The following NKAIN3 variants were observed in gnomAD, a reference collection of about 807,000 sequenced individuals.
NKAIN3 encodes sodium/potassium-transporting ATPase subunit beta-1-interacting protein 3.
In NKAIN3, 25 loss-of-function variants were observed where a neutral mutation model predicts 30.2. The observed-to-expected ratio is 0.83, with a 90% CI of 0.60 to 1.16. NKAIN3 has a LOEUF of 1.16. Among genes scored for constraint, NKAIN3 ranks in the 50% most tolerant of loss-of-function variants. The pLI, the probability that NKAIN3 is intolerant of heterozygous loss-of-function variation, is 0.00. For missense variants in NKAIN3, 225 were observed against 254.1 expected, an observed-to-expected ratio of 0.89 and a Z score of 0.78; for synonymous variants, 91 against 89.6, an observed-to-expected ratio of 1.02 and a Z score of -0.09.
At chr8:62,626,021 G>A (rs1002951739) in intron 3 of NKAIN3, among the ~76,000 whole-genome samples, 3 of 152,086 alleles carry the variant, frequency 2.0e-5, no homozygotes, top group Admixed American at 2.0e-4. Flanking sequence ...CATAGCTTAT[G>A]AGTGCTATAC....
chr8:62,945,187 T>C (rs1207786285), intron 5 of NKAIN3, among the ~76,000 whole-genome samples: 1 of 152,084 alleles, frequency 6.6e-6, no homozygotes, highest in Non-Finnish European at 1.5e-5. Context: ...CAATATAGCA[T>C]AGTAAATAGT....
At chr8:62,474,368 T>C (rs1806447128) in intron 1 of NKAIN3, 1 of 152,168 alleles carries the variant, frequency 6.6e-6, no homozygotes, top group Non-Finnish European at 1.5e-5. Context: ...CAGTCTTTGT[T>C]GTGTCCAAAA....
intron 3 of NKAIN3, among the ~76,000 whole-genome samples, chr8:62,729,633 C>A (rs2130541060): frequency 6.6e-6 from 1 of 152,040 alleles, no homozygotes; most frequent in East Asian, 1.9e-4. Flanking sequence ...CTTTATTCAA[C>A]TTTTAAACTT....
intron 1 of NKAIN3, among the ~76,000 whole-genome samples, chr8:62,401,991 C>G (rs961876335): frequency 1.3e-5 from 2 of 152,198 alleles, no homozygotes; most frequent in Non-Finnish European, 2.9e-5. Flanking sequence ...AGGCTTTTCT[C>G]TCAACCTTCA....
intron 5 of NKAIN3, among the ~76,000 whole-genome samples, chr8:62,997,733 C>T (rs1248844961): frequency 2.0e-5 from 3 of 146,706 alleles, no homozygotes. Flanking sequence ...TTCAATTTAC[C>T]AAATAAATGA....
intron 5 of NKAIN3, among the ~76,000 whole-genome samples, chr8:62,997,435 A>G (rs896718386): frequency 5.3e-5 from 8 of 152,190 alleles, no homozygotes; most frequent in African/African-American, 1.9e-4. Context: ...GTTTTAATTA[A>G]AAAACTAAAA....
rs1586104132 is a variant in NKAIN3, at chr8:62,700,563, A to G, written c.274-46369A>G. On this transcript the variant is annotated intron_variant, in intron 3 of 6. Coordinates refer to ENST00000623646, the MANE Select transcript of NKAIN3 (RefSeq NM_001304533.3). ...ATCCCCTAATTCAATAAGTATGGTC[A>G]ATTTGGCAGACATGTATTATTTAAA... Among the ~76,000 whole-genome samples the G allele has an allele frequency of 2.0e-5, 3 of 152,348 alleles. No homozygotes were observed. In the East Asian group the frequency reaches 5.8e-4, roughly 29 times the overall value.
At chr8:62,870,281 A>AGATCTATATATAGATATCTATAG (rs1586292215) in intron 4 of NKAIN3, among the ~76,000 whole-genome samples, 19 of 34,954 alleles carry the variant, frequency 5.4e-4, no homozygotes, top group African/African-American at 1.6e-3. Context: ...GATATATATA[A>AGATCTATATATAGATATCTATAG]ATATCTATAG....
chr8:62,269,619 C>T (rs895260284), intron 1 of NKAIN3, among the ~76,000 whole-genome samples: 17 of 152,116 alleles, frequency 1.1e-4, no homozygotes, highest in African/African-American at 4.1e-4. Flanking sequence ...CTTCAGTGTT[C>T]AAATACGTAG....
intron 3 of NKAIN3, among the ~76,000 whole-genome samples, chr8:62,735,366 CTTTCTTTCTTTCTTTTTT>C (rs1815619041): frequency 7.5e-6 from 1 of 132,674 alleles, no homozygotes; most frequent in Admixed American, 7.1e-5. Flanking sequence ...TTCTTTCTTT[CTTTCTTTCTTTCTTTTTT>C]TTTTTTTTTT....
At chr8:62,940,918 C>T (rs1822938041) in intron 5 of NKAIN3, among the ~76,000 whole-genome samples, 1 of 148,864 alleles carries the variant, frequency 6.7e-6, no homozygotes, top group Non-Finnish European at 1.5e-5. Context: ...ATGATCAGAG[C>T]AGAACCAAAT....
At chr8:62,569,812 T>C (rs1585959028) in intron 1 of NKAIN3, among the ~76,000 whole-genome samples, 1 of 151,986 alleles carries the variant, frequency 6.6e-6, no homozygotes, top group East Asian at 1.9e-4. Context: ...CCAAGACTTA[T>C]TTGAAATGGC....
intron 1 of NKAIN3, among the ~76,000 whole-genome samples, chr8:62,477,260 A>G (rs1806549216): frequency 6.6e-6 from 1 of 152,190 alleles, no homozygotes; most frequent in South Asian, 2.1e-4. Context: ...CCGCAAATGT[A>G]CGCATGCACA....
chr8:62,804,180 A>C (rs1818185716), intron 4 of NKAIN3, among the ~76,000 whole-genome samples: 2 of 152,220 alleles, frequency 1.3e-5, no homozygotes, highest in African/African-American at 4.8e-5. Flanking sequence ...ATTCTACCAG[A>C]GGTACAAGGA....
At chr8:62,665,589 G>A (rs1813073470) in intron 3 of NKAIN3, among the ~76,000 whole-genome samples, 1 of 152,274 alleles carries the variant, frequency 6.6e-6, no homozygotes, top group Admixed American at 6.5e-5. Flanking sequence ...TGGTGATTGG[G>A]CCACAGGGAA....
At position 62,973,226 on chromosome 8, in the gene NKAIN3, G is replaced by A. The variant is rs138649416; in HGVS notation, c.*7819G>A. 3.5e-3 allele frequency among the ~76,000 whole-genome samples: 531 copies of A among 152,302 alleles called. 3 individuals are homozygous for A. Among genetic ancestry groups the A allele is most frequent in the African/African-American group, 0.012 (514 of 41,562 alleles). Reference sequence around the variant, plus strand: ...GGATCAAATGGTATTTCTAGTTCTAGATCCTTGAGGAATTGCCACACTGTC... The same window carrying A: ...GGATCAAATGGTATTTCTAGTTCTAAATCCTTGAGGAATTGCCACACTGTC... On this transcript the variant is annotated 3_prime_UTR_variant, in exon 7 of 7. Coordinates refer to ENST00000623646, the MANE Select transcript of NKAIN3 (RefSeq NM_001304533.3).
chr8:62,477,155 G>A (rs1450376265), intron 1 of NKAIN3, among the ~76,000 whole-genome samples: 2 of 152,212 alleles, frequency 1.3e-5, no homozygotes, highest in Non-Finnish European at 2.9e-5. Flanking sequence ...TATCAATCAT[G>A]TGTGGAAACA....
intron 1 of NKAIN3, among the ~76,000 whole-genome samples, chr8:62,320,759 C>A (rs370595327): frequency 6.6e-6 from 1 of 152,162 alleles, no homozygotes; most frequent in Non-Finnish European, 1.5e-5. Context: ...TCTGTTTGCC[C>A]TTAACATTTT....
At chr8:62,572,507 C>G (rs1809975724) in intron 1 of NKAIN3, among the ~76,000 whole-genome samples, 1 of 152,188 alleles carries the variant, frequency 6.6e-6, no homozygotes, top group Non-Finnish European at 1.5e-5. Context: ...TTTTCAGCAA[C>G]ACCTCACTCT....
Sources: gnomAD v4.1 joint callset for allele counts (sites outside exome capture counted in the v4.1 genomes callset) on GRCh38, gnomAD v4.1.1 for gene constraint, MANE v1.5 for transcripts, NCBI Gene and HGNC (gene_info 2026-07-23, HGNC 2026-07-21) for gene names.